MYO6: variants seen among roughly 807,000 people sequenced by gnomAD.
MYO6 encodes the protein unconventional myosin-VI.
In MYO6, 74 loss-of-function variants were observed where a neutral mutation model predicts 178.7. That is an observed-to-expected ratio of 0.41 (90% CI 0.34 to 0.50). The LOEUF (loss-of-function observed/expected upper bound fraction) is 0.50. Among genes scored for constraint, MYO6 ranks in the 20% least tolerant of loss-of-function variants. The probability of loss-of-function intolerance (pLI) is 0.09; values close to 1 mark genes in which losing one functional copy is unlikely to be tolerated. For synonymous variants in MYO6, 477 were observed against 504.6 expected (o/e 0.95, Z 0.73); for missense variants, 1,330 against 1,547.4 (o/e 0.86, Z 2.36).
intron 20 of MYO6, among the ~76,000 whole-genome samples, chr6:75,878,409 TTTA>T (rs899149000): frequency 6.6e-6 from 1 of 152,194 alleles, no homozygotes; most frequent in African/African-American, 2.4e-5. Context: ...ATAGAATAGA[TTTA>T]CCGAGCCAAA....
intron 1 of MYO6, among the ~76,000 whole-genome samples, chr6:75,772,976 GGTA>G (rs1766032827): frequency 6.6e-6 from 1 of 152,100 alleles, no homozygotes; most frequent in African/African-American, 2.4e-5. Context: ...GATTCTGTGA[GGTA>G]GGAAAGTGAC....
intron 18 of MYO6, 146 bp downstream of exon 18, chr6:75,867,251 A>G (rs1776776796): frequency 1.5e-6 from 1 of 664,620 alleles, no homozygotes; most frequent in Non-Finnish European, 2.5e-6. Context: ...TGTATGTAAA[A>G]TATCATAATG....
intron 28 of MYO6, chr6:75,894,757 A>T (rs1779162163): frequency 2.4e-6 from 3 of 1,231,716 alleles, no homozygotes; most frequent in Admixed American, 2.6e-5. Flanking sequence ...GTGTTAAAAA[A>T]TGTATATATT....
chr6:75,866,084 A>G (rs1776643496), intron 16 of MYO6, among the ~76,000 whole-genome samples: 1 of 149,536 alleles, frequency 6.7e-6, no homozygotes, highest in Non-Finnish European at 1.5e-5. Context: ...GATAGATTTT[A>G]AAAAGTTATC....
At chr6:75,906,198 T>G (rs993772603) in intron 30 of MYO6, among the ~76,000 whole-genome samples, 2 of 151,228 alleles carry the variant, frequency 1.3e-5, no homozygotes, top group Non-Finnish European at 3.0e-5. Context: ...TTGTGCCACC[T>G]TCTTTTCATG....
Position 75,749,267 on chromosome 6 carries a change from G to A in MYO6, c.-204G>A, listed in dbSNP as rs1334715181. On this transcript the variant is annotated 5_prime_UTR_variant, in exon 1 of 35. Coordinates refer to ENST00000369977, the MANE Select transcript of MYO6 (RefSeq NM_004999.4). ...GACCGACTCGGGATCTGTCCGAGCAGGAAGCCAGCCTCAGCCCGGCCGCTG... is the reference window on the plus strand; with the variant it reads ...GACCGACTCGGGATCTGTCCGAGCAAGAAGCCAGCCTCAGCCCGGCCGCTG... The A allele has an allele frequency of 6.6e-6, 1 of 152,192 alleles. No homozygotes were observed. Among genetic ancestry groups the A allele is most frequent in the Non-Finnish European group, 1.5e-5 (1 of 68,134 alleles). The allele number at this position is 152,192 out of a possible 1,614,324, so 9.4% of individuals were successfully genotyped here.
chr6:75,900,306 G>T (rs1292409834), intron 30 of MYO6, among the ~76,000 whole-genome samples: 1 of 151,900 alleles, frequency 6.6e-6, no homozygotes, highest in African/African-American at 2.4e-5. Context: ...CTGAGGAATT[G>T]CCACACTGAC....
intron 6 of MYO6, among the ~76,000 whole-genome samples, chr6:75,833,883 G>T (rs1397914402): frequency 6.6e-6 from 1 of 152,158 alleles, no homozygotes; most frequent in Admixed American, 6.6e-5. Flanking sequence ...ACATAGTTTG[G>T]AATGGTGGGC....
intron 19 of MYO6, among the ~76,000 whole-genome samples, chr6:75,872,086 G>A (rs994399991): frequency 6.6e-6 from 1 of 151,894 alleles, no homozygotes; most frequent in African/African-American, 2.4e-5. Flanking sequence ...CCAAGATCAC[G>A]CCACTGCACT....
chr6:75,801,711 C>T (rs529804353), intron 1 of MYO6, among the ~76,000 whole-genome samples: 4 of 151,674 alleles, frequency 2.6e-5, no homozygotes, highest in South Asian at 2.1e-4. Context: ...GAGGCCAAGG[C>T]GGGTGGATCA....
chr6:75,749,413 C>G lies in MYO6; in HGVS notation c.-58C>G, dbSNP rs1429831665. 1.3e-5 allele frequency: 2 copies of G among 153,012 alleles called. No homozygotes were observed. The highest frequency in any genetic ancestry group is 2.9e-5 in the Non-Finnish European group (2 of 68,698). 9.5% of individuals were successfully genotyped at this position (153,012 alleles called of 1,614,324 possible). On this transcript the variant is annotated 5_prime_UTR_variant, in exon 1 of 35. Transcript: ENST00000369977. The stretch of plus-strand genomic sequence containing the variant: ...CCCCGCCGCCGCGCACCTGCCTTCG[C>G]TCCCGCACCGGTGAGTGTCCCAGAG...
chr6:75,778,592 G>A (rs1332505426), intron 1 of MYO6, among the ~76,000 whole-genome samples: 14 of 148,102 alleles, frequency 9.5e-5, no homozygotes, highest in East Asian at 2.0e-4. Context: ...GCGAGACTCC[G>A]TCTCAAAAAA....
At chr6:75,776,807 C>T (rs1053219147) in intron 1 of MYO6, among the ~76,000 whole-genome samples, 2 of 151,950 alleles carry the variant, frequency 1.3e-5, no homozygotes, top group African/African-American at 4.8e-5. Flanking sequence ...GCCACTGTGC[C>T]TGGCCTTGTA....
At chr6:75,901,549 G>A (rs1489441523) in intron 30 of MYO6, among the ~76,000 whole-genome samples, 1 of 152,134 alleles carries the variant, frequency 6.6e-6, no homozygotes, top group African/African-American at 2.4e-5. Context: ...GTATAAGAAT[G>A]CTTGTGATTT....
At position 75,895,518 on chromosome 6, in the gene MYO6, AT is replaced by A. The variant is rs372759632; in HGVS notation, c.3137+274del. On this transcript the variant is annotated intron_variant, in intron 29 of 34. Coordinates refer to ENST00000369977, the MANE Select transcript of MYO6 (RefSeq NM_004999.4). ...TATTTTGTTTTATGTATATATATGA[AT>A]TTTTTTTTTTTTTTTGAGACAGAGT... 3.3e-3 allele frequency among the ~76,000 whole-genome samples: 459 copies of A among 140,134 alleles called. 1 individual carries two copies. The highest frequency in any genetic ancestry group is 7.4e-3 in the Middle Eastern group (2 of 272). 91.9% of individuals were successfully genotyped at this position (140,134 alleles called of 152,430 possible).
intron 1 of MYO6, among the ~76,000 whole-genome samples, chr6:75,756,225 T>C (rs1338876259): frequency 1.5e-5 from 1 of 67,228 alleles, no homozygotes; most frequent in Non-Finnish European, 4.9e-5. Context: ...CCAGATTCTG[T>C]CTCAAAAAAA....
intron 3 of MYO6, among the ~76,000 whole-genome samples, chr6:75,827,945 A>G (rs532079849): frequency 3.2e-4 from 48 of 152,338 alleles, no homozygotes; most frequent in African/African-American, 1.1e-3. Context: ...GACTTGGAGA[A>G]TAGATTGGGA....
Position 75,915,198 on chromosome 6 carries a change from A to G in MYO6, c.*186A>G, listed in dbSNP as rs571307356. On this transcript the variant is annotated 3_prime_UTR_variant, in exon 35 of 35. Coordinates refer to ENST00000369977, the MANE Select transcript of MYO6 (RefSeq NM_004999.4). ...ATGGTAGCAAATTTTGGACCTAAAC[A>G]TTATTTTTCTGTATCCCGCTGTAAT... is the stretch of plus-strand genomic sequence containing the variant. 244 of 635,960 alleles carry G rather than the reference A, an allele frequency of 3.8e-4. 4 individuals are homozygous for G. In the South Asian group the frequency reaches 4.5e-3, roughly 12 times the overall value. The allele number at this position is 635,960 out of a possible 1,614,324, so 39.4% of individuals were successfully genotyped here. A position where few individuals can be genotyped will look rare whatever the true frequency, so the allele number is the denominator to read the frequency against.
At chr6:75,754,519 CAAAAAAAAAAAAA>C (rs58162315) in intron 1 of MYO6, among the ~76,000 whole-genome samples, 28 of 44,176 alleles carry the variant, frequency 6.3e-4, no homozygotes, top group Non-Finnish European at 7.7e-4. Flanking sequence ...GACTCCGTCT[CAAAAAAAAAAAAA>C]AAAAAAAAAA....
Sources: gnomAD v4.1 joint callset for allele counts (sites outside exome capture counted in the v4.1 genomes callset) on GRCh38, gnomAD v4.1.1 for gene constraint, MANE v1.5 for transcripts, NCBI Gene and HGNC (gene_info 2026-07-23, HGNC 2026-07-21) for gene names.